The following HNF4G variants were observed in gnomAD, a reference collection of about 807,000 sequenced individuals.
The protein encoded by HNF4G is hepatocyte nuclear factor 4-gamma.
HNF4G carries 21 observed loss-of-function variants against 50.9 expected under a neutral mutation model. That is an observed-to-expected ratio of 0.41 (90% confidence interval 0.29 to 0.59). The LOEUF (loss-of-function observed/expected upper bound fraction) is 0.59, where lower values mean the gene tolerates loss of function less well. Ranked by LOEUF, HNF4G falls within the 20% of genes least tolerant of loss-of-function variation. The pLI is 0.26. For missense variants in HNF4G, 527 were observed against 559.4 expected, an observed-to-expected ratio of 0.94 and a Z score of 0.58; for synonymous variants, 198 against 185.6, an observed-to-expected ratio of 1.07 and a Z score of -0.54.
At chr8:75,543,720 T>C in intron 1 of HNF4G, 91 bp from the exon 2 acceptor site, 1 of 1,068,336 alleles carries the variant, frequency 9.4e-7, no homozygotes, top group Non-Finnish European at 1.3e-6. Context: ...AGCCAATGAA[T>C]GGAGTGTTAT....
At chr8:75,483,229 T>C (rs1181578566) in intron 1 of HNF4G, among the ~76,000 whole-genome samples, 5 of 150,520 alleles carry the variant, frequency 3.3e-5, no homozygotes, top group Non-Finnish European at 7.4e-5. Context: ...AAATATTTAT[T>C]CATTTATTTC....
chr8:75,418,896 T>G (rs1433995697), intron 1 of HNF4G, among the ~76,000 whole-genome samples: 2 of 151,964 alleles, frequency 1.3e-5, no homozygotes, highest in Non-Finnish European at 2.9e-5. Context: ...CTTGGCTAAT[T>G]TTGTATTTTT....
chr8:75,419,925 A>G (rs1297404300), intron 1 of HNF4G, among the ~76,000 whole-genome samples: 1 of 152,184 alleles, frequency 6.6e-6, no homozygotes, highest in Non-Finnish European at 1.5e-5. Flanking sequence ...TAACTTTCAT[A>G]GGATTCCTGA....
intron 1 of HNF4G, among the ~76,000 whole-genome samples, chr8:75,442,518 G>GT (rs1285073184): frequency 1.3e-5 from 2 of 152,032 alleles, no homozygotes; most frequent in African/African-American, 4.8e-5. Flanking sequence ...AGGCTGCAGT[G>GT]AGTCATGATT....
At chr8:75,527,977 T>C (rs559982769) in intron 2 of HNF4G, among the ~76,000 whole-genome samples, 74 of 152,360 alleles carry the variant, frequency 4.9e-4, no homozygotes, top group Non-Finnish European at 8.8e-5. Context: ...TTCAATTTTT[T>C]GTCTTTCTGA....
At chr8:75,479,299 A>G (rs1156566504) in intron 1 of HNF4G, among the ~76,000 whole-genome samples, 2 of 152,202 alleles carry the variant, frequency 1.3e-5, no homozygotes, top group Non-Finnish European at 2.9e-5. Flanking sequence ...TGGCCTGCAT[A>G]TGGTACCAAT....
intron 1 of HNF4G, among the ~76,000 whole-genome samples, chr8:75,457,555 C>T (rs1811751114): frequency 6.6e-6 from 1 of 152,098 alleles, no homozygotes; most frequent in Non-Finnish European, 1.5e-5. Flanking sequence ...AATGACATTC[C>T]CCTAGATTTT....
At chr8:75,441,637 A>G (rs1811289541) in intron 1 of HNF4G, among the ~76,000 whole-genome samples, 1 of 152,214 alleles carries the variant, frequency 6.6e-6, no homozygotes, top group Non-Finnish European at 1.5e-5. Flanking sequence ...TCATACCGTG[A>G]GTTCAACATT....
intron 1 of HNF4G, among the ~76,000 whole-genome samples, chr8:75,422,520 C>G (rs1810796985): frequency 6.6e-6 from 1 of 152,098 alleles, no homozygotes; most frequent in Non-Finnish European, 1.5e-5. Flanking sequence ...AATATATTAA[C>G]TTTGTAAGGC....
intron 2 of HNF4G, among the ~76,000 whole-genome samples, chr8:75,534,545 A>G (rs1331268379): frequency 1.3e-5 from 2 of 151,872 alleles, no homozygotes; most frequent in Non-Finnish European, 3.0e-5. Context: ...TTTGGACTTT[A>G]CATTTATTTG....
At chr8:75,456,984 A>G (rs1585860441) in intron 1 of HNF4G, among the ~76,000 whole-genome samples, 2 of 152,344 alleles carry the variant, frequency 1.3e-5, no homozygotes, top group South Asian at 2.1e-4. Context: ...AGCTACAGCA[A>G]TCCTTCTGCC....
intron 2 of HNF4G, among the ~76,000 whole-genome samples, chr8:75,520,982 G>A (rs989427135): frequency 6.6e-6 from 1 of 151,890 alleles, no homozygotes; most frequent in African/African-American, 2.4e-5. Flanking sequence ...TGAAGTGAAA[G>A]TACTAATATA....
At chr8:75,494,057 G>A (rs1052866306) in intron 2 of HNF4G, among the ~76,000 whole-genome samples, 1 of 152,084 alleles carries the variant, frequency 6.6e-6, no homozygotes, top group Non-Finnish European at 1.5e-5. Flanking sequence ...TATTAGGAAA[G>A]CTGAATGATT....
chr8:75,488,500 A>G (rs768284241), intron 1 of HNF4G, among the ~76,000 whole-genome samples: 1 of 151,798 alleles, frequency 6.6e-6, no homozygotes, highest in Non-Finnish European at 1.5e-5. Flanking sequence ...TTGGTCTTGA[A>G]CTTCTGACCT....
At chr8:75,495,392 A>G (rs76578168) in intron 2 of HNF4G, 5,182 of 152,216 alleles carry the variant, frequency 0.034, 122 homozygotes, top group South Asian at 0.053. Context: ...ACTAACTTGT[A>G]ATGTTTCTGT....
chr8:75,546,595 G>T (rs1214885442), intron 2 of HNF4G, among the ~76,000 whole-genome samples: 1 of 151,894 alleles, frequency 6.6e-6, no homozygotes, highest in Admixed American at 6.6e-5. Flanking sequence ...AGGACATTTT[G>T]TATAAACAAA....
rs536909804 is a variant in HNF4G at position 75,516,632 on chromosome 8, G to A, written c.-24+26424G>A. On this transcript the variant is annotated intron_variant, in intron 2 of 10. Transcript: ENST00000354370. ...CATCCTTACTGAGTTTCTGTTTCTC[G>A]TTCTATCAGTTACTGAGAGATGAGT... Among the ~76,000 whole-genome samples, 6 of 151,986 alleles carry A rather than the reference G, an allele frequency of 3.9e-5. No homozygotes were observed. The East Asian group carries it at 7.7e-4, about 20-fold the overall frequency.
At chr8:75,549,986 C>A (rs1237211217) in intron 3 of HNF4G, among the ~76,000 whole-genome samples, 1 of 152,070 alleles carries the variant, frequency 6.6e-6, no homozygotes, top group Non-Finnish European at 1.5e-5. Flanking sequence ...ATATGTGCCA[C>A]ATTTACTATG....
At chr8:75,503,514 C>T (rs548986634) in intron 2 of HNF4G, among the ~76,000 whole-genome samples, 1 of 152,268 alleles carries the variant, frequency 6.6e-6, no homozygotes, top group Admixed American at 6.5e-5. Flanking sequence ...TAGATCAGAG[C>T]TTTTTATCCA....
Sources: allele counts gnomAD v4.1 joint callset (sites outside exome capture counted in the v4.1 genomes callset), GRCh38; gene constraint gnomAD v4.1.1; transcripts MANE v1.5; gene names NCBI Gene and HGNC (gene_info 2026-07-23, HGNC 2026-07-21).